THEMIS: variants seen among roughly 807,000 people sequenced by gnomAD.
THEMIS encodes the protein protein THEMIS.
THEMIS carries 37 observed loss-of-function variants against 52.6 expected under a neutral mutation model. That is an observed-to-expected ratio of 0.70 (90% CI 0.54 to 0.93). The LOEUF (loss-of-function observed/expected upper bound fraction) is 0.93. Among genes scored for constraint, THEMIS ranks in the 40% least tolerant of loss-of-function variants. The pLI is 0.00. For synonymous variants in THEMIS, 292 were observed against 272.7 expected (o/e 1.07, Z -0.70); for missense variants, 808 against 763.1 (o/e 1.06, Z -0.69).
At chr6:127,848,339 G>A (rs1583348043) in intron 2 of THEMIS, among the ~76,000 whole-genome samples, 1 of 151,904 alleles carries the variant, frequency 6.6e-6, no homozygotes, top group East Asian at 1.9e-4. Flanking sequence ...GGACATTTGG[G>A]TTGGTTCCAA....
intron 1 of THEMIS, among the ~76,000 whole-genome samples, chr6:127,880,063 A>G (rs1369241227): frequency 6.6e-6 from 1 of 152,134 alleles, no homozygotes; most frequent in Admixed American, 6.5e-5. Flanking sequence ...TGCCATCTCT[A>G]TTATTATCCT....
At position 127,726,347 on chromosome 6, in the gene THEMIS, A is replaced by G. The variant is rs552404384; in HGVS notation, c.1759-6524T>C. ...AGACAGCACCCCATCTCAATCCTAC[A>G]AAGACCTCTTCTTCTTCCTGGACTG... On this transcript the variant is annotated intron_variant, in intron 4 of 5. Coordinates refer to ENST00000368248, the MANE Select transcript of THEMIS (RefSeq NM_001010923.3). 2.0e-5 allele frequency among the ~76,000 whole-genome samples: 3 copies of G among 152,208 alleles called. No homozygotes were observed. The East Asian group carries it at 5.8e-4, about 29-fold the overall frequency.
At chr6:127,775,913 T>C (rs1484352280) in intron 4 of THEMIS, among the ~76,000 whole-genome samples, 1 of 152,174 alleles carries the variant, frequency 6.6e-6, no homozygotes, top group East Asian at 1.9e-4. Flanking sequence ...GCCAGATATA[T>C]GTATCTCTAA....
intron 4 of THEMIS, among the ~76,000 whole-genome samples, chr6:127,795,718 A>C (rs887260057): frequency 6.6e-6 from 1 of 152,198 alleles, no homozygotes; most frequent in Non-Finnish European, 1.5e-5. Flanking sequence ...TGATAAGAAA[A>C]AGATTAATAC....
rs752223518 is a variant in THEMIS at position 127,812,974 on chromosome 6, C to T, written c.1667G>A (p.Arg556His). ...CTCTACTGAGGGGTGTTTCGGAGGGCGAGGTGGGGGATGTGAGGCTGAGCT... is the reference window on the plus strand; with the variant it reads ...CTCTACTGAGGGGTGTTTCGGAGGGTGAGGTGGGGGATGTGAGGCTGAGCT... ...YESSASHPPP[R>H]PPKHPSVEET... is the part of the protein sequence containing the mutation. Residue 556 changes from arginine (R) to histidine (H), a missense_variant, in exon 4 of 6, where the codon CGC becomes CAC. Coordinates refer to ENST00000368248, the MANE Select transcript of THEMIS (RefSeq NM_001010923.3). 1.2e-6 allele frequency: 2 copies of T among 1,613,978 alleles called. No homozygotes were observed. Among genetic ancestry groups the T allele is most frequent in the Non-Finnish European group, 8.5e-7 (1 of 1,179,990 alleles).
intron 1 of THEMIS, among the ~76,000 whole-genome samples, chr6:127,856,416 G>A (rs1343686911): frequency 6.6e-6 from 1 of 151,940 alleles, no homozygotes; most frequent in Non-Finnish European, 1.5e-5. Flanking sequence ...AAGAGGCACA[G>A]CCAGTTCTAG....
rs1217899839 is a variant in THEMIS, at chr6:127,730,450, AAAG to A, written c.1759-10630_1759-10628del. Among the ~76,000 whole-genome samples the A allele has an allele frequency of 1.1e-3, 41 of 37,942 alleles. 1 individual carries two copies. The East Asian group carries it at 0.16, about 151-fold the overall frequency. 24.9% of individuals were successfully genotyped at this position (37,942 alleles called of 152,430 possible). On this transcript the variant is annotated intron_variant, in intron 4 of 5. Coordinates refer to ENST00000368248, the MANE Select transcript of THEMIS (RefSeq NM_001010923.3). Reference sequence around the variant, plus strand: ...GAGGGAGGCAGGAAGAGAACAAACGAAAGAAAGAAAGAAAGAGAAAGAGACAGA... The same window carrying A: ...GAGGGAGGCAGGAAGAGAACAAACGAAAAGAAAGAAAGAGAAAGAGACAGA...
At chr6:127,855,519 GTC>G (rs1418424139) in intron 1 of THEMIS, among the ~76,000 whole-genome samples, 29 of 151,712 alleles carry the variant, frequency 1.9e-4, no homozygotes, top group African/African-American at 6.5e-4. Context: ...TTTTTGCTGG[GTC>G]ACAAAATTAA....
chr6:127,866,362 C>T (rs1355309571), intron 1 of THEMIS, among the ~76,000 whole-genome samples: 1 of 151,918 alleles, frequency 6.6e-6, no homozygotes, highest in Non-Finnish European at 1.5e-5. Flanking sequence ...TACTGATGTA[C>T]ATCATTGTAT....
At chr6:127,698,117 C>T in the THEMIS span, among the ~76,000 whole-genome samples, 704 of 152,120 alleles carry the variant, frequency 4.6e-3, 4 homozygotes, top group African/African-American at 0.016. Flanking sequence ...TTAAAAATAG[C>T]CATTCAACTT....
At chr6:127,800,083 A>C (rs1164527664) in intron 4 of THEMIS, among the ~76,000 whole-genome samples, 1 of 152,204 alleles carries the variant, frequency 6.6e-6, no homozygotes, top group African/African-American at 2.4e-5. Flanking sequence ...GGTCTTGGAA[A>C]GTTATCCATT....
intron 4 of THEMIS, among the ~76,000 whole-genome samples, chr6:127,806,054 G>C (rs1562268752): frequency 6.6e-6 from 1 of 151,644 alleles, no homozygotes; most frequent in Non-Finnish European, 1.5e-5. Context: ...GTGATTACAG[G>C]CACTAAAATT....
chr6:127,844,799 G>T (rs114335070), intron 2 of THEMIS, among the ~76,000 whole-genome samples: 1 of 151,808 alleles, frequency 6.6e-6, no homozygotes, highest in Non-Finnish European at 1.5e-5. Flanking sequence ...ATCAACTACC[G>T]AATAGGATAT....
chr6:127,852,182 A>C (rs1779449964), intron 2 of THEMIS, among the ~76,000 whole-genome samples: 1 of 151,550 alleles, frequency 6.6e-6, no homozygotes, highest in Non-Finnish European at 1.5e-5. Flanking sequence ...TCACTCCATC[A>C]ACAAGAGATA....
downstream of THEMIS, among the ~76,000 whole-genome samples, chr6:127,704,774 C>T (rs537745002): frequency 6.6e-6 from 1 of 152,156 alleles, no homozygotes; most frequent in African/African-American, 2.4e-5. Flanking sequence ...ACTGATGAAG[C>T]ACACAAGGCA....
At chr6:127,798,061 C>T (rs1777389650) in intron 4 of THEMIS, among the ~76,000 whole-genome samples, 2 of 152,204 alleles carry the variant, frequency 1.3e-5, no homozygotes, top group South Asian at 4.1e-4. Context: ...CACTTTATCA[C>T]AGACACAGAT....
chr6:127,790,474 C>A (rs72967694), intron 4 of THEMIS, among the ~76,000 whole-genome samples: 14 of 152,102 alleles, frequency 9.2e-5, no homozygotes, highest in African/African-American at 3.1e-4. Flanking sequence ...ATTAAATTAT[C>A]TTTTATGTGA....
intron 1 of THEMIS, among the ~76,000 whole-genome samples, chr6:127,880,571 T>TAAAAAAAAAAAAAAAAAAAAAAATTAA (rs33909885): frequency 7.5e-6 from 1 of 133,006 alleles, no homozygotes. Context: ...AAAGACAAAT[T>TAAAAAAAAAAAAAAAAAAAAAAATTAA]AAAAAAAAAA....
chr6:127,759,651 A>G (rs1178525343), intron 4 of THEMIS, among the ~76,000 whole-genome samples: 4 of 152,314 alleles, frequency 2.6e-5, no homozygotes, highest in African/African-American at 7.2e-5. Flanking sequence ...CACATCCAGC[A>G]TGTAACCACA....
Sources: allele counts gnomAD v4.1 joint callset (sites outside exome capture counted in the v4.1 genomes callset), GRCh38; gene constraint gnomAD v4.1.1; transcripts MANE v1.5; gene names NCBI Gene and HGNC (gene_info 2026-07-23, HGNC 2026-07-21).